Variants in PARD3B observed in about 807,000 individuals in gnomAD.
PARD3B encodes the protein partitioning defective 3 homolog B.
A neutral mutation model predicts 130.2 loss-of-function variants in PARD3B; 103 were observed. The observed-to-expected ratio is 0.79, with a 90% confidence interval of 0.67 to 0.93. PARD3B has a LOEUF of 0.93. Ranked by LOEUF, PARD3B falls within the 40% of genes least tolerant of loss-of-function variation. The pLI, the probability that PARD3B is intolerant of heterozygous loss-of-function variation, is 0.00. For missense variants in PARD3B, 1,609 were observed against 1,499.2 expected (o/e 1.07, Z -1.21); for synonymous variants, 583 against 553.2 (o/e 1.05, Z -0.76).
intron 22 of PARD3B, among the ~76,000 whole-genome samples, chr2:205,571,044 G>A (rs540999615): frequency 2.2e-4 from 33 of 152,204 alleles, no homozygotes; most frequent in South Asian, 1.2e-3. Flanking sequence ...ATAGCTGTTC[G>A]TCTGCCACTA....
chr2:205,530,064 G>C lies in PARD3B; in HGVS notation c.3181-23260G>C, dbSNP rs1300015295. Reference sequence around the variant, plus strand: ...CACCCAACAATGCTGTGAAGAGTAAGAAATGCTATCCGTAGGGTATGCACA... The same window carrying C: ...CACCCAACAATGCTGTGAAGAGTAACAAATGCTATCCGTAGGGTATGCACA... On this transcript the variant is annotated intron_variant, in intron 21 of 22. Coordinates refer to ENST00000406610, the MANE Select transcript of PARD3B (RefSeq NM_001302769.2). The surrounding 1 kb of genome is among the most constrained non-coding windows in gnomAD (Gnocchi z 4.7). 1.3e-5 allele frequency among the ~76,000 whole-genome samples: 2 copies of C among 152,192 alleles called. No homozygotes were observed. The highest frequency in any genetic ancestry group is 2.9e-5 in the Non-Finnish European group (2 of 68,040).
At chr2:204,706,802 T>A (rs2038186123) in intron 2 of PARD3B, among the ~76,000 whole-genome samples, 1 of 152,214 alleles carries the variant, frequency 6.6e-6, no homozygotes, top group Non-Finnish European at 1.5e-5. Flanking sequence ...ACTCCTCATA[T>A]GGTCTTTGGC....
chr2:205,030,726 T>C (rs1697355060), intron 3 of PARD3B, among the ~76,000 whole-genome samples: 3 of 152,142 alleles, frequency 2.0e-5, no homozygotes, highest in Admixed American at 2.0e-4. Flanking sequence ...ATCTGTATTC[T>C]GAACATAAGA....
At chr2:204,736,235 A>G (rs1388047664) in intron 2 of PARD3B, among the ~76,000 whole-genome samples, 1 of 152,112 alleles carries the variant, frequency 6.6e-6, no homozygotes, top group East Asian at 1.9e-4. Context: ...AAGAAAATGC[A>G]TTAGTTAAAA....
intron 22 of PARD3B, among the ~76,000 whole-genome samples, chr2:205,567,768 C>G (rs1347559890): frequency 1.3e-5 from 2 of 151,486 alleles, no homozygotes; most frequent in African/African-American, 2.4e-5. Context: ...GACTCTGAGA[C>G]AGGGATTTGA....
chr2:205,473,720 G>A lies in PARD3B; in HGVS notation c.3045-26176G>A, dbSNP rs1438971851. On this transcript the variant is annotated intron_variant, in intron 20 of 22. Coordinates refer to ENST00000406610, the MANE Select transcript of PARD3B (RefSeq NM_001302769.2). This position sits in a 1 kb window ranked among gnomAD's most constrained non-coding sequence, Gnocchi z 4.9. ...TATATATATATATATACACACACAC[G>A]TATATAAAACCCTAAATATATATAT... 2.3e-4 allele frequency among the ~76,000 whole-genome samples: 26 copies of A among 115,282 alleles called. No homozygotes were observed. Among genetic ancestry groups the A allele is most frequent in the East Asian group, 1.3e-3 (5 of 3,970 alleles). The allele number at this position is 115,282 out of a possible 152,430, so 75.6% of individuals were successfully genotyped here. A position where few individuals can be genotyped will look rare whatever the true frequency, so the allele number is the denominator to read the frequency against.
intron 2 of PARD3B, among the ~76,000 whole-genome samples, chr2:204,730,035 A>ACACC (rs71032404): frequency 3.3e-5 from 5 of 150,056 alleles, no homozygotes; most frequent in Non-Finnish European, 7.4e-5. Flanking sequence ...ACACACACAC[A>ACACC]GTGACTATTC....
chr2:205,523,226 T>TC (rs67885440), intron 21 of PARD3B, among the ~76,000 whole-genome samples: 102 of 105,900 alleles, frequency 9.6e-4, no homozygotes, highest in African/African-American at 3.0e-3. Flanking sequence ...TGTGTGTGTG[T>TC]ATATATATAT....
At chr2:204,855,256 G>T (rs917964162) in intron 2 of PARD3B, among the ~76,000 whole-genome samples, 2 of 152,066 alleles carry the variant, frequency 1.3e-5, no homozygotes, top group East Asian at 3.9e-4. Flanking sequence ...CTGAAAATAC[G>T]CATATCTGCC....
intron 2 of PARD3B, among the ~76,000 whole-genome samples, chr2:204,868,808 C>T (rs2045522566): frequency 6.6e-6 from 1 of 152,102 alleles, no homozygotes; most frequent in Admixed American, 6.6e-5. Flanking sequence ...TTGAGTGGGA[C>T]TAGTTAAGTT....
chr2:204,996,642 A>C (rs1175908177), intron 3 of PARD3B, among the ~76,000 whole-genome samples: 2 of 149,796 alleles, frequency 1.3e-5, no homozygotes, highest in Admixed American at 1.3e-4. Flanking sequence ...TTGTTTACCT[A>C]AGCAAGCCTG....
In PARD3B at chr2:205,122,043, C is replaced by T. The variant is rs1434161; in HGVS notation, c.1165+94C>T. 420,591 of 1,030,172 alleles carry T rather than the reference C, an allele frequency of 0.41. 88,986 individuals carry two copies. Among genetic ancestry groups the T allele is most frequent in the Admixed American group, 0.56 (20,549 of 37,006 alleles). 63.8% of individuals were successfully genotyped at this position (1,030,172 alleles called of 1,614,324 possible). On this transcript the variant is annotated intron_variant, in intron 8 of 22. Transcript: ENST00000406610. The surrounding 1 kb of genome is among the most constrained non-coding windows in gnomAD (Gnocchi z 4.3). ...TTAAGGCTAATTTAGTTAATTCTCC[C>T]TTCATTTAATTGTATCAAAGAATAG...
chr2:205,390,729 A>G (rs1265735765), intron 18 of PARD3B, among the ~76,000 whole-genome samples: 1 of 152,216 alleles, frequency 6.6e-6, no homozygotes, highest in Non-Finnish European at 1.5e-5. Flanking sequence ...AATTATAAAA[A>G]AAAAAATCAT....
intron 15 of PARD3B, among the ~76,000 whole-genome samples, chr2:205,227,880 A>C (rs979033346): frequency 2.6e-5 from 4 of 152,010 alleles, no homozygotes; most frequent in African/African-American, 4.8e-5. Flanking sequence ...GGTTACCATG[A>C]GGCTTCCAAA....
chr2:205,271,053 A>G (rs2040706050), intron 16 of PARD3B, among the ~76,000 whole-genome samples: 2 of 152,272 alleles, frequency 1.3e-5, no homozygotes, highest in South Asian at 4.1e-4. Flanking sequence ...AAAATAATAC[A>G]TTCTGCCACT....
chr2:204,691,207 TATTA>T (rs2037338458), intron 2 of PARD3B, among the ~76,000 whole-genome samples: 2 of 152,130 alleles, frequency 1.3e-5, no homozygotes, highest in Non-Finnish European at 2.9e-5. Flanking sequence ...TAATTGCCAT[TATTA>T]ATTTTTGGCT....
At chr2:205,179,119 C>T (rs1002555986) in intron 13 of PARD3B, among the ~76,000 whole-genome samples, 1 of 150,578 alleles carries the variant, frequency 6.6e-6, no homozygotes, top group Non-Finnish European at 1.5e-5. Context: ...TCAGGTTTTA[C>T]CAAAAAAGTT....
At chr2:205,096,793 G>C (rs1316962562) in intron 4 of PARD3B, among the ~76,000 whole-genome samples, 1 of 152,110 alleles carries the variant, frequency 6.6e-6, no homozygotes, top group Non-Finnish European at 1.5e-5. Context: ...GAATATTTAT[G>C]ATCTAATCGT....
chr2:205,188,767 C>T (rs1183397090), intron 14 of PARD3B, among the ~76,000 whole-genome samples: 1 of 143,582 alleles, frequency 7.0e-6, no homozygotes, highest in Non-Finnish European at 1.5e-5. Flanking sequence ...GAAAGGCTCT[C>T]CTGCCTTCTG....
Sources: gnomAD v4.1 joint callset for allele counts (sites outside exome capture counted in the v4.1 genomes callset) on GRCh38, gnomAD v4.1.1 for gene constraint, Gnocchi (gnomAD v3.1) non-coding constraint, MANE v1.5 for transcripts, NCBI Gene and HGNC (gene_info 2026-07-23, HGNC 2026-07-21) for gene names.